Variants in BLTP1 observed in about 807,000 individuals in gnomAD.
BLTP1 encodes the protein fragile site-associated protein.
chr4:122,220,241 C>T, the BLTP1 span: 1 of 1,355,868 alleles, frequency 7.4e-7, no homozygotes, highest in Non-Finnish European at 1.0e-6. Context: ...AACAAATTCT[C>T]TTAATCATGA....
At chr4:122,280,276 GA>G in the BLTP1 span, 1 of 669,164 alleles carries the variant, frequency 1.5e-6, no homozygotes, top group African/African-American at 2.0e-5. Context: ...GCAAATTGGT[GA>G]ATTCCAGGAC....
chr4:122,201,480 A>G, the BLTP1 span, among the ~76,000 whole-genome samples: 2 of 152,206 alleles, frequency 1.3e-5, no homozygotes, highest in South Asian at 2.1e-4. Context: ...TGTTTTAATA[A>G]TTATAATACA....
the BLTP1 span, chr4:122,231,899 A>G: frequency 1.2e-6 from 1 of 837,838 alleles, no homozygotes; most frequent in East Asian, 1.2e-4. Context: ...AATCTTTTAA[A>G]TTAATTGAGG....
At chr4:122,275,990 A>T in the BLTP1 span, 1 of 1,567,660 alleles carries the variant, frequency 6.4e-7, no homozygotes, top group Non-Finnish European at 8.6e-7. Context: ...ATTTTCCTAC[A>T]TCTCCTACAA....
the BLTP1 span, among the ~76,000 whole-genome samples, chr4:122,277,881 G>T: frequency 2.0e-5 from 3 of 152,130 alleles, no homozygotes; most frequent in African/African-American, 7.2e-5. Flanking sequence ...GAGAAGAAAA[G>T]AGTTCTGAAT....
At chr4:122,198,546 C>A in the BLTP1 span, 4 of 638,868 alleles carry the variant, frequency 6.3e-6, no homozygotes, top group Admixed American at 6.3e-5. Context: ...AATACTGGTA[C>A]ACTGGAGTAA....
At chr4:122,235,629 C>T in the BLTP1 span, 3 of 205,940 alleles carry the variant, frequency 1.5e-5, no homozygotes, top group Non-Finnish European at 2.6e-5. Context: ...CGTGGTGAAA[C>T]CCCATCTCTG....
the BLTP1 span, among the ~76,000 whole-genome samples, chr4:122,195,238 A>G: frequency 6.6e-6 from 1 of 152,184 alleles, no homozygotes; most frequent in Non-Finnish European, 1.5e-5. Context: ...ACATGATTTT[A>G]GTTTCTAGAT....
At chr4:122,300,766 C>T in the BLTP1 span, 1 of 342,388 alleles carries the variant, frequency 2.9e-6, no homozygotes, top group Non-Finnish European at 4.1e-6. Context: ...ATGATCAACT[C>T]AACATATGTA....
At chr4:122,230,174 AG>A in the BLTP1 span, 1 of 1,614,112 alleles carries the variant, frequency 6.2e-7, no homozygotes, top group East Asian at 2.2e-5. Flanking sequence ...TGAGGCACAA[AG>A]ACATTTCTTA....
the BLTP1 span, chr4:122,188,896 C>T: frequency 9.3e-6 from 9 of 963,664 alleles, no homozygotes; most frequent in Non-Finnish European, 1.1e-5. Flanking sequence ...CTTGGCTGGC[C>T]TGGTATTCGA....
At chr4:122,319,809 G>T in the BLTP1 span, among the ~76,000 whole-genome samples, 1 of 152,176 alleles carries the variant, frequency 6.6e-6, no homozygotes, top group South Asian at 2.1e-4. Context: ...AAAATGCTGG[G>T]ATTACAGGTG....
the BLTP1 span, among the ~76,000 whole-genome samples, chr4:122,294,506 C>A: frequency 2.0e-5 from 3 of 152,172 alleles, no homozygotes; most frequent in Non-Finnish European, 4.4e-5. Flanking sequence ...GGACCCCCAG[C>A]AAACTGCAGC....
At chr4:122,265,155 A>G in the BLTP1 span, among the ~76,000 whole-genome samples, 3 of 152,132 alleles carry the variant, frequency 2.0e-5, no homozygotes, top group Admixed American at 2.0e-4. Flanking sequence ...TGGTTGCAGG[A>G]CCAACCCCCT....
chr4:122,180,239 A>AT, the BLTP1 span: 2 of 922,270 alleles, frequency 2.2e-6, no homozygotes, highest in African/African-American at 3.6e-5. Flanking sequence ...TCTGAGCCTC[A>AT]TTTTTTTCAT....
the BLTP1 span, chr4:122,349,071 CTGATT>C: frequency 3.6e-6 from 4 of 1,101,448 alleles, no homozygotes; most frequent in Middle Eastern, 2.7e-4. This position sits in a 1 kb window ranked among gnomAD's most constrained non-coding sequence, Gnocchi z 4.5. Context: ...TTTAAATAAT[CTGATT>C]TAACTCCTTT....
the BLTP1 span, chr4:122,347,881 G>C: frequency 1.4e-6 from 1 of 737,930 alleles, no homozygotes; most frequent in South Asian, 3.5e-5. Context: ...ATAAATTCTT[G>C]AGGTTTTTAT....
chr4:122,207,000 A>C, the BLTP1 span: 4 of 954,808 alleles, frequency 4.2e-6, no homozygotes, highest in Non-Finnish European at 6.2e-6. Context: ...AAATTTTTTT[A>C]GTTACACAAA....
the BLTP1 span, chr4:122,180,244 T>C: frequency 2.2e-6 from 2 of 904,448 alleles, no homozygotes; most frequent in East Asian, 1.2e-4. Flanking sequence ...GCCTCATTTT[T>C]TTCATCTATA....
Sources: gnomAD v4.1 joint callset for allele counts (sites outside exome capture counted in the v4.1 genomes callset) on GRCh38, gnomAD v4.1.1 for gene constraint, Gnocchi (gnomAD v3.1) non-coding constraint, MANE v1.5 for transcripts, NCBI Gene and HGNC (gene_info 2026-07-23, HGNC 2026-07-21) for gene names.